CREB5: variants seen among roughly 807,000 people sequenced by gnomAD.
CREB5 encodes cyclic AMP-responsive element-binding protein 5.
CREB5 carries 19 observed loss-of-function variants against 57.1 expected under a neutral mutation model. The ratio of observed to expected loss-of-function variants is 0.33; its 90% CI spans 0.23 to 0.49. CREB5 has a LOEUF of 0.49. CREB5 is among the 20% of genes least tolerant of loss of function. The pLI, the probability that CREB5 is intolerant of heterozygous loss-of-function variation, is 0.99. For synonymous variants in CREB5, 238 were observed against 238.3 expected (o/e 1.00, Z 0.01); for missense variants, 579 against 671.6 (o/e 0.86, Z 1.52).
intron 1 of CREB5, among the ~76,000 whole-genome samples, chr7:28,479,999 C>G (rs943513433): frequency 7.3e-6 from 1 of 136,430 alleles, no homozygotes; most frequent in African/African-American, 2.8e-5. Context: ...GATATAGATA[C>G]TTATCTAGAA....
At chr7:28,733,919 A>AATCATAG (rs1415744911) in intron 7 of CREB5, among the ~76,000 whole-genome samples, 1 of 152,214 alleles carries the variant, frequency 6.6e-6, no homozygotes, top group African/African-American at 2.4e-5. Flanking sequence ...TTAAATCATA[A>AATCATAG]TTTAATTCTA....
chr7:28,681,954 G>T (rs888654642), intron 5 of CREB5, among the ~76,000 whole-genome samples: 1 of 152,102 alleles, frequency 6.6e-6, no homozygotes, highest in African/African-American at 2.4e-5. Flanking sequence ...AATATTTTAG[G>T]GCTAATCAAA....
intron 1 of CREB5, among the ~76,000 whole-genome samples, chr7:28,421,219 A>G (rs925836299): frequency 1.3e-5 from 2 of 152,062 alleles, no homozygotes; most frequent in African/African-American, 4.8e-5. Flanking sequence ...CATAGCTTCC[A>G]CTTATAAATG....
chr7:28,637,652 T>C (rs41311), intron 5 of CREB5, among the ~76,000 whole-genome samples: 135,017 of 152,206 alleles, frequency 0.89, 60,158 homozygotes, highest in East Asian at 0.98. Context: ...GAGGGCAAAC[T>C]ATTTGCACAG....
At chr7:28,308,121 C>G (rs1785219599) in intron 1 of CREB5, among the ~76,000 whole-genome samples, 1 of 152,158 alleles carries the variant, frequency 6.6e-6, no homozygotes, top group African/African-American at 2.4e-5. Flanking sequence ...GCAAATCAGG[C>G]AGCCTTAGGG....
intron 7 of CREB5, among the ~76,000 whole-genome samples, chr7:28,739,615 A>G (rs1333201505): frequency 6.6e-6 from 1 of 152,236 alleles, no homozygotes; most frequent in African/African-American, 2.4e-5. Context: ...GGTAGGGGTC[A>G]TAAAATATTA....
intron 3 of CREB5, among the ~76,000 whole-genome samples, chr7:28,500,257 G>T (rs1792223474): frequency 6.6e-6 from 1 of 152,178 alleles, no homozygotes; most frequent in African/African-American, 2.4e-5. Flanking sequence ...GATGGCAAGT[G>T]GCCAGCAGGA....
At chr7:28,512,456 C>T (rs1465501253) in intron 4 of CREB5, among the ~76,000 whole-genome samples, 1 of 152,062 alleles carries the variant, frequency 6.6e-6, no homozygotes, top group Non-Finnish European at 1.5e-5. Flanking sequence ...CCAGCCCTAG[C>T]AGACATGTTG....
intron 1 of CREB5, among the ~76,000 whole-genome samples, chr7:28,460,672 T>G (rs1448316887): frequency 6.6e-6 from 1 of 152,102 alleles, no homozygotes. Context: ...GAATTGGCAA[T>G]AAGTAAGACA....
intron 4 of CREB5, among the ~76,000 whole-genome samples, chr7:28,560,865 CCT>C (rs1486477793): frequency 0.03 from 442 of 14,774 alleles, 54 homozygotes; most frequent in South Asian, 0.14. Context: ...TGTGCGTGTG[CCT>C]GCGTGCGCGT....
chr7:28,601,651 G>C (rs922296574), intron 5 of CREB5, among the ~76,000 whole-genome samples: 4 of 152,128 alleles, frequency 2.6e-5, no homozygotes, highest in Non-Finnish European at 5.9e-5. Flanking sequence ...TGTCTTAAAA[G>C]CTTAAAATAA....
intron 5 of CREB5, among the ~76,000 whole-genome samples, chr7:28,696,797 T>C (rs1801591748): frequency 6.7e-6 from 1 of 148,412 alleles, no homozygotes; most frequent in African/African-American, 2.6e-5. Flanking sequence ...CGTATACGTA[T>C]ACGTATATAT....
chr7:28,658,955 A>ATATATATATATATATATATATATGTG (rs61113400), intron 5 of CREB5, among the ~76,000 whole-genome samples: 11,136 of 47,148 alleles, frequency 0.24, 1,394 homozygotes, highest in East Asian at 0.46. Flanking sequence ...GTGTGTGTGT[A>ATATATATATATATATATATATATGTG]TATATATATA....
intron 4 of CREB5, among the ~76,000 whole-genome samples, chr7:28,542,279 C>T (rs778093441): frequency 7.2e-5 from 11 of 152,290 alleles, no homozygotes; most frequent in Admixed American, 2.0e-4. Flanking sequence ...CCAAGCCAGA[C>T]GGAATCCAGA....
chr7:28,489,212 A>C (rs1791694384), intron 2 of CREB5, among the ~76,000 whole-genome samples: 1 of 148,672 alleles, frequency 6.7e-6, no homozygotes, highest in East Asian at 2.0e-4. Context: ...CTGCCTGTTT[A>C]TGTGGTGGGG....
At chr7:28,760,813 T>C (rs183522339) in intron 7 of CREB5, among the ~76,000 whole-genome samples, 35 of 152,336 alleles carry the variant, frequency 2.3e-4, no homozygotes, top group South Asian at 1.7e-3. Context: ...AGTTATTTTC[T>C]TGGCACAGCA....
intron 1 of CREB5, among the ~76,000 whole-genome samples, chr7:28,474,581 A>G (rs1790980200): frequency 6.6e-6 from 1 of 152,162 alleles, no homozygotes; most frequent in South Asian, 2.1e-4. Flanking sequence ...TTTCTTTGGA[A>G]ACAGTAGAGG....
intron 5 of CREB5, among the ~76,000 whole-genome samples, chr7:28,710,719 C>T (rs976350960): frequency 1.3e-5 from 2 of 152,156 alleles, no homozygotes; most frequent in Non-Finnish European, 2.9e-5. Context: ...ATTATATATA[C>T]ACCAATTGGA....
chr7:28,320,499 C>A (rs1475283809), intron 1 of CREB5, among the ~76,000 whole-genome samples: 7 of 152,188 alleles, frequency 4.6e-5, no homozygotes, highest in Non-Finnish European at 1.0e-4. Flanking sequence ...CTTCCCTTCC[C>A]CTTTGCTGAA....
Sources: allele counts gnomAD v4.1 joint callset (sites outside exome capture counted in the v4.1 genomes callset), GRCh38; gene constraint gnomAD v4.1.1; transcripts MANE v1.5; gene names NCBI Gene and HGNC (gene_info 2026-07-23, HGNC 2026-07-21).